PDZRN3: variants seen among roughly 807,000 people sequenced by gnomAD.
PDZRN3 encodes PDZ domain containing ring finger 3, also known as E3 ubiquitin-protein ligase PDZRN3.
PDZRN3 carries 38 observed loss-of-function variants against 85.7 expected under a neutral mutation model. The observed-to-expected ratio is 0.44, with a 90% CI of 0.34 to 0.58. PDZRN3 has a LOEUF of 0.58. Among genes scored for constraint, PDZRN3 ranks in the 20% least tolerant of loss-of-function variants. The pLI, the probability that PDZRN3 is intolerant of heterozygous loss-of-function variation, is 0.01. For synonymous variants in PDZRN3, 759 were observed against 638.0 expected (o/e 1.19, Z -2.86); for missense variants, 1,629 against 1,506.4 (o/e 1.08, Z -1.35).
At chr3:73,543,765 T>C (rs938937597) in intron 3 of PDZRN3, among the ~76,000 whole-genome samples, 2 of 152,220 alleles carry the variant, frequency 1.3e-5, no homozygotes, top group East Asian at 1.9e-4. Context: ...GAACATCTGA[T>C]ACCTTTAACA....
intron 3 of PDZRN3, among the ~76,000 whole-genome samples, chr3:73,441,893 A>C (rs1016058510): frequency 4.6e-5 from 7 of 152,198 alleles, no homozygotes; most frequent in Non-Finnish European, 1.0e-4. Flanking sequence ...TGCTGAGACT[A>C]TCTCCTTCTA....
At chr3:73,614,665 G>C (rs1173945578) in intron 1 of PDZRN3, among the ~76,000 whole-genome samples, 1 of 152,182 alleles carries the variant, frequency 6.6e-6, no homozygotes, top group Non-Finnish European at 1.5e-5. Flanking sequence ...CTGTTGACTA[G>C]TGACATGAAA....
At chr3:73,466,093 C>A (rs1703206733) in intron 3 of PDZRN3, among the ~76,000 whole-genome samples, 1 of 152,162 alleles carries the variant, frequency 6.6e-6, no homozygotes, top group South Asian at 2.1e-4. Flanking sequence ...TCTCTCCTTG[C>A]AGAGCCTGAT....
chr3:73,572,534 C>G (rs934697163), intron 3 of PDZRN3, among the ~76,000 whole-genome samples: 3 of 152,182 alleles, frequency 2.0e-5, no homozygotes, highest in Non-Finnish European at 4.4e-5. Flanking sequence ...ATCTGGGGAT[C>G]TCTGTGTGAA....
intron 3 of PDZRN3, among the ~76,000 whole-genome samples, chr3:73,511,325 T>C (rs1415085410): frequency 2.0e-5 from 3 of 152,158 alleles, no homozygotes; most frequent in African/African-American, 4.8e-5. Context: ...GGGACGACTC[T>C]CTTAGCCCTT....
chr3:73,465,199 C>T (rs1203525915), intron 3 of PDZRN3, among the ~76,000 whole-genome samples: 1 of 152,256 alleles, frequency 6.6e-6, no homozygotes, highest in Non-Finnish European at 1.5e-5. Context: ...ACTTTATCTC[C>T]GGAGCCCAGC....
At chr3:73,553,576 TAA>T (rs5850118) in intron 3 of PDZRN3, among the ~76,000 whole-genome samples, 23 of 136,640 alleles carry the variant, frequency 1.7e-4, no homozygotes, top group Middle Eastern at 3.4e-3. Flanking sequence ...AGACTCCATC[TAA>T]AAAAAAAAAA....
chr3:73,425,759 A>C (rs1702301167), intron 3 of PDZRN3, among the ~76,000 whole-genome samples: 1 of 152,156 alleles, frequency 6.6e-6, no homozygotes, highest in African/African-American at 2.4e-5. Context: ...AGATACAAAA[A>C]AATCGACTTC....
chr3:73,389,798 G>C lies in PDZRN3; in HGVS notation c.1416+18C>G. The C allele has an allele frequency of 6.3e-7, 1 of 1,591,396 alleles. No homozygotes were observed. The highest frequency in any genetic ancestry group is 8.6e-7 in the Non-Finnish European group (1 of 1,159,334). On this transcript the variant is annotated intron_variant, in intron 7 of 9. Coordinates refer to ENST00000263666, the MANE Select transcript of PDZRN3 (RefSeq NM_015009.3). ...GTGATAGGCCCATCATGAGGCCATT[G>C]TTTGGAAGTGGACTTACCTGGATAA...
chr3:73,541,133 T>C (rs1704911742), intron 3 of PDZRN3, among the ~76,000 whole-genome samples: 1 of 152,338 alleles, frequency 6.6e-6, no homozygotes, highest in East Asian at 1.9e-4. Flanking sequence ...TTGCCTAACC[T>C]CCATTAAAAT....
intron 3 of PDZRN3, among the ~76,000 whole-genome samples, chr3:73,523,129 C>T (rs1323234323): frequency 6.6e-6 from 1 of 152,178 alleles, no homozygotes; most frequent in Non-Finnish European, 1.5e-5. Flanking sequence ...TTGAAGTGAT[C>T]CTCCTGCCTC....
At chr3:73,622,377 T>C (rs1702881071) in intron 1 of PDZRN3, among the ~76,000 whole-genome samples, 1 of 152,156 alleles carries the variant, frequency 6.6e-6, no homozygotes, top group East Asian at 1.9e-4. Context: ...CACAGGCCCT[T>C]GGGGGAGCCT....
intron 3 of PDZRN3, among the ~76,000 whole-genome samples, chr3:73,438,466 T>C (rs1009786588): frequency 4.6e-5 from 7 of 152,248 alleles, no homozygotes; most frequent in African/African-American, 1.4e-4. Flanking sequence ...GGTCTCACCA[T>C]GCTATGAACT....
chr3:73,424,587 A>G (rs1702273825), intron 3 of PDZRN3, among the ~76,000 whole-genome samples: 1 of 151,688 alleles, frequency 6.6e-6, no homozygotes, highest in Admixed American at 6.6e-5. Context: ...ACAGGATACA[A>G]ACTGGGAAAT....
intron 3 of PDZRN3, among the ~76,000 whole-genome samples, chr3:73,465,204 C>T (rs1261096513): frequency 6.6e-6 from 1 of 152,162 alleles, no homozygotes; most frequent in Non-Finnish European, 1.5e-5. Context: ...ATCTCCGGAG[C>T]CCAGCCTGGT....
chr3:73,580,385 G>A (rs1417858114), intron 3 of PDZRN3, among the ~76,000 whole-genome samples: 6 of 152,190 alleles, frequency 3.9e-5, no homozygotes, highest in East Asian at 1.9e-4. Flanking sequence ...GAGAGATAAC[G>A]CAGGCCTCTT....
chr3:73,563,013 ATTTT>A (rs879510100), intron 3 of PDZRN3, among the ~76,000 whole-genome samples: 462 of 43,434 alleles, frequency 0.011, no homozygotes, highest in Non-Finnish European at 0.014. Context: ...ATATATATAT[ATTTT>A]TTTTTTTTTT....
At position 73,388,082 on chromosome 3, in the gene PDZRN3, A is replaced by ACC; in HGVS notation, c.1417-14_1417-13insGG. 4.8e-6 allele frequency: 5 copies of ACC among 1,042,810 alleles called. No homozygotes were observed. The highest frequency in any genetic ancestry group is 2.1e-5 in the Admixed American group (1 of 46,964). 64.6% of individuals were successfully genotyped at this position (1,042,810 alleles called of 1,614,324 possible). ...CTATCCCATTAATCTTTTAAAAAAA[A>ACC]AGGGGGGGTGGGGAGAGTGGGGAGA... On this transcript the variant is annotated splice_polypyrimidine_tract_variant and intron_variant, in intron 7 of 9. Coordinates refer to ENST00000263666, the MANE Select transcript of PDZRN3 (RefSeq NM_015009.3).
intron 5 of PDZRN3, among the ~76,000 whole-genome samples, chr3:73,396,993 A>G (rs1701650625): frequency 6.6e-6 from 1 of 151,960 alleles, no homozygotes; most frequent in South Asian, 2.1e-4. Context: ...GTACTTTAAA[A>G]GGGAGAACAT....
Sources: gnomAD v4.1 joint callset for allele counts (sites outside exome capture counted in the v4.1 genomes callset) on GRCh38, gnomAD v4.1.1 for gene constraint, MANE v1.5 for transcripts, NCBI Gene and HGNC (gene_info 2026-07-23, HGNC 2026-07-21) for gene names.